Variants in RPRD1A observed in about 807,000 individuals in gnomAD.
RPRD1A encodes regulation of nuclear pre-mRNA domain-containing protein 1A.
RPRD1A carries 9 observed loss-of-function variants against 37.8 expected under a neutral mutation model. That is an observed-to-expected ratio of 0.24 (90% CI 0.14 to 0.42). The LOEUF (loss-of-function observed/expected upper bound fraction) is 0.42. RPRD1A is among the 10% of genes least tolerant of loss of function. The probability of loss-of-function intolerance (pLI) is 1.00; values close to 1 mark genes in which losing one functional copy is unlikely to be tolerated. For synonymous variants in RPRD1A, 138 were observed against 139.7 expected, an observed-to-expected ratio of 0.99 and a Z score of 0.08; for missense variants, 255 against 371.0, an observed-to-expected ratio of 0.69 and a Z score of 2.57.
At chr18:36,010,705 T>C (rs778948617) in intron 6 of RPRD1A, among the ~76,000 whole-genome samples, 13 of 152,272 alleles carry the variant, frequency 8.5e-5, no homozygotes, top group South Asian at 8.3e-4. Flanking sequence ...TGGGGGAATA[T>C]GGGGAGGAGA....
At chr18:36,006,337 C>G (rs1173625132) in intron 6 of RPRD1A, among the ~76,000 whole-genome samples, 2 of 152,140 alleles carry the variant, frequency 1.3e-5, no homozygotes, top group Non-Finnish European at 2.9e-5. Flanking sequence ...TGCCACCATG[C>G]CTAGCTAATT....
At chr18:36,026,574 G>A (rs1241034558) in intron 6 of RPRD1A, 5 of 204,086 alleles carry the variant, frequency 2.4e-5, no homozygotes, top group Non-Finnish European at 5.0e-5. Context: ...CCTACTACAA[G>A]TGACTGCCAC....
chr18:35,999,242 TG>T (rs1390566914), intron 6 of RPRD1A, among the ~76,000 whole-genome samples: 15 of 152,218 alleles, frequency 9.9e-5, no homozygotes, highest in Non-Finnish European at 2.9e-5. Context: ...AAGTCAGATC[TG>T]GATGGAGTAC....
At chr18:36,008,571 GTGTGTGTA>G (rs1306691873) in intron 6 of RPRD1A, among the ~76,000 whole-genome samples, 2 of 27,934 alleles carry the variant, frequency 7.2e-5, no homozygotes, top group African/African-American at 3.4e-4. Context: ...GCAAGACCTT[GTGTGTGTA>G]TATATATATA....
chr18:36,062,323 C>CAAAAAAAAAAAAA (rs752980996), intron 1 of RPRD1A, among the ~76,000 whole-genome samples: 1 of 40,618 alleles, frequency 2.5e-5, no homozygotes, highest in Non-Finnish European at 4.7e-5. Flanking sequence ...GACTCCGTCT[C>CAAAAAAAAAAAAA]AAAAAAAAAA....
intron 6 of RPRD1A, among the ~76,000 whole-genome samples, chr18:36,003,012 C>T (rs1240696753): frequency 6.6e-6 from 1 of 152,124 alleles, no homozygotes; most frequent in Non-Finnish European, 1.5e-5. Context: ...AGAAGTAAAC[C>T]CAAATCCTCT....
intron 6 of RPRD1A, among the ~76,000 whole-genome samples, chr18:36,015,131 T>TACACACACACACACACAC (rs201284977): frequency 3.3e-5 from 4 of 122,894 alleles, no homozygotes; most frequent in African/African-American, 1.2e-4. Context: ...GGGTCTCACA[T>TACACACACACACACACAC]ACACACACAC....
chr18:36,038,339 TA>T (rs756724034), intron 1 of RPRD1A, among the ~76,000 whole-genome samples: 15 of 152,290 alleles, frequency 9.8e-5, no homozygotes, highest in East Asian at 5.8e-4. Context: ...TAGCCATGGC[TA>T]AAAGGGGCCA....
intron 6 of RPRD1A, among the ~76,000 whole-genome samples, chr18:35,995,032 G>A (rs767875229): frequency 3.3e-5 from 5 of 152,126 alleles, no homozygotes; most frequent in Non-Finnish European, 7.4e-5. Flanking sequence ...AGAGAAGTGA[G>A]CTAATAGCAA....
chr18:36,048,624 C>G (rs1288968700), intron 1 of RPRD1A, among the ~76,000 whole-genome samples: 1 of 147,858 alleles, frequency 6.8e-6, no homozygotes, highest in Non-Finnish European at 1.5e-5. Flanking sequence ...AGAATTTCCT[C>G]AACTTGATAA....
intron 6 of RPRD1A, among the ~76,000 whole-genome samples, chr18:35,994,103 G>C (rs1017478302): frequency 1.3e-5 from 2 of 152,108 alleles, no homozygotes; most frequent in African/African-American, 4.8e-5. Context: ...TCAGAGAAAA[G>C]CTTCCCACTA....
chr18:36,007,161 A>G (rs1305406929), intron 6 of RPRD1A, among the ~76,000 whole-genome samples: 2 of 152,216 alleles, frequency 1.3e-5, no homozygotes, highest in Non-Finnish European at 2.9e-5. Context: ...AATTATCTAC[A>G]AGGGATCTCC....
Position 36,027,078 on chromosome 18 carries a change from A to G in RPRD1A, c.614-3T>C, listed in dbSNP as rs771685020. 4.3e-6 allele frequency: 7 copies of G among 1,613,738 alleles called. No individual in the cohort carries two copies. The Admixed American group carries it at 1.2e-4, about 27-fold the overall frequency. On this transcript the variant is annotated splice_region_variant and splice_polypyrimidine_tract_variant and intron_variant, in intron 5 of 6. Transcript: ENST00000399022. ...AAGCCTTTCTCCAGATTCTTTATCT[A>G]AGAAAAGCACGGGATAATAAAATAT...
rs376300525 is a variant in RPRD1A, at chr18:36,012,358, TAC to T, written c.789+14540_789+14541del. On this transcript the variant is annotated intron_variant, in intron 6 of 6. Coordinates refer to ENST00000399022, the MANE Select transcript of RPRD1A (RefSeq NM_018170.5). ...CTTCGTTACCGGTTTATGTATTTACTACACTTTTTATTGTTAGAATATACTCT... is the reference window on the plus strand; with the variant it reads ...CTTCGTTACCGGTTTATGTATTTACTACTTTTTATTGTTAGAATATACTCT... Among the ~76,000 whole-genome samples, 118 of 152,334 alleles carry T rather than the reference TAC, an allele frequency of 7.7e-4. 1 individual carries two copies. In the South Asian group the frequency reaches 0.023, roughly 30 times the overall value.
At chr18:36,010,315 A>AAAAAAT (rs1487121568) in intron 6 of RPRD1A, among the ~76,000 whole-genome samples, 2 of 151,772 alleles carry the variant, frequency 1.3e-5, no homozygotes, top group African/African-American at 2.4e-5. Context: ...TAAAAAAAAT[A>AAAAAAT]AAAAATAAAA....
intron 1 of RPRD1A, chr18:36,064,194 T>C (rs1806404369): frequency 2.0e-5 from 3 of 152,504 alleles, no homozygotes; most frequent in Admixed American, 1.3e-4. Context: ...GGAGCCCCTC[T>C]CTGCGGCTGG....
chr18:36,058,989 C>G (rs1327416281), intron 1 of RPRD1A, among the ~76,000 whole-genome samples: 1 of 151,978 alleles, frequency 6.6e-6, no homozygotes, highest in Admixed American at 6.6e-5. Flanking sequence ...TATTTTTTAG[C>G]AAATATAATT....
intron 6 of RPRD1A, among the ~76,000 whole-genome samples, chr18:36,016,684 G>GTAACA (rs1165398873): frequency 6.6e-6 from 1 of 152,178 alleles, no homozygotes; most frequent in Non-Finnish European, 1.5e-5. Flanking sequence ...CAAACTGGAA[G>GTAACA]TAACATAAAT....
intron 6 of RPRD1A, among the ~76,000 whole-genome samples, chr18:36,005,271 A>G (rs1909676658): frequency 6.6e-6 from 1 of 152,216 alleles, no homozygotes; most frequent in African/African-American, 2.4e-5. Context: ...ACTGCACTCC[A>G]GCCTGGGCAA....
Sources: allele counts gnomAD v4.1 joint callset (sites outside exome capture counted in the v4.1 genomes callset), GRCh38; gene constraint gnomAD v4.1.1; transcripts MANE v1.5; gene names NCBI Gene and HGNC (gene_info 2026-07-23, HGNC 2026-07-21).